The following UNC79 variants were observed in gnomAD, a reference collection of about 807,000 sequenced individuals.
The protein encoded by UNC79 is protein unc-79 homolog.
A neutral mutation model predicts 283.1 loss-of-function variants in UNC79; 37 were observed. That is an observed-to-expected ratio of 0.13 (90% confidence interval 0.10 to 0.17). UNC79 has a LOEUF of 0.17. Among genes scored for constraint, UNC79 ranks in the 10% least tolerant of loss-of-function variants. The pLI, the probability that UNC79 is intolerant of heterozygous loss-of-function variation, is 1.00. For missense variants in UNC79, 2,272 were observed against 3,211.1 expected, an observed-to-expected ratio of 0.71 and a Z score of 7.07; for synonymous variants, 1,107 against 1,200.2, an observed-to-expected ratio of 0.92 and a Z score of 1.61.
intron 1 of UNC79, among the ~76,000 whole-genome samples, chr14:93,464,332 C>A (rs1280780075): frequency 6.6e-6 from 1 of 152,182 alleles, no homozygotes; most frequent in African/African-American, 2.4e-5. Flanking sequence ...AGGCCTCTCT[C>A]CTTGACTTGC....
In UNC79 at chr14:93,497,356, T is replaced by C; in HGVS notation, c.898+70T>C. 3.3e-6 allele frequency: 5 copies of C among 1,497,884 alleles called. No individual in the cohort carries two copies. The South Asian group carries it at 4.0e-5, about 12-fold the overall frequency. The allele number at this position is 1,497,884 out of a possible 1,614,324, so 92.8% of individuals were successfully genotyped here. On this transcript the variant is annotated intron_variant, in intron 7 of 48. Transcript: ENST00000555664. ...GTGCCACACTGGCCTCACCTACTTA[T>C]ACATACATTTTTATCTTGCTGGATT...
intron 27 of UNC79, 58 bp downstream of exon 28, chr14:93,613,141 C>T: frequency 6.3e-7 from 1 of 1,589,728 alleles, no homozygotes; most frequent in South Asian, 1.2e-5. Context: ...AGAAGCAAGG[C>T]ATTACATACC....
intron 1 of UNC79, among the ~76,000 whole-genome samples, chr14:93,336,866 G>C (rs1169795758): frequency 6.6e-6 from 1 of 152,124 alleles, no homozygotes. Flanking sequence ...ATGTTGAAAT[G>C]TAATCGCCAG....
chr14:93,654,316 C>A (rs986535443), intron 37 of UNC79, among the ~76,000 whole-genome samples: 1 of 151,954 alleles, frequency 6.6e-6, no homozygotes, highest in Non-Finnish European at 1.5e-5. Flanking sequence ...CATAGCAAGA[C>A]CCCCATCTCT....
At chr14:93,564,213 A>G (rs1418351447) in intron 14 of UNC79, among the ~76,000 whole-genome samples, 1 of 152,176 alleles carries the variant, frequency 6.6e-6, no homozygotes, top group Non-Finnish European at 1.5e-5. Context: ...AAGCAACGGA[A>G]AGAGGAGTGG....
At chr14:93,686,512 G>A in intron 42 of UNC79, 60 bp from the exon 46 acceptor site, 1 of 1,555,470 alleles carries the variant, frequency 6.4e-7, no homozygotes, top group Non-Finnish European at 8.9e-7. Flanking sequence ...CCAGAGTGAG[G>A]CAATCATTGG....
Position 93,474,513 on chromosome 14 carries a change from G to T in UNC79, c.448+120G>T, listed in dbSNP as rs1004903919. 1.3e-5 allele frequency: 15 copies of T among 1,166,872 alleles called. No homozygotes were observed. The highest frequency in any genetic ancestry group is 1.8e-5 in the Non-Finnish European group (15 of 851,934). 72.3% of individuals were successfully genotyped at this position (1,166,872 alleles called of 1,614,324 possible). Reference sequence around the variant, plus strand: ...TCAATCACCTGAAAGGGCTTTGTGTGGCTAGAAGCACTACACTGAAACTTC... The same window carrying T: ...TCAATCACCTGAAAGGGCTTTGTGTTGCTAGAAGCACTACACTGAAACTTC... On this transcript the variant is annotated intron_variant, in intron 3 of 48. Transcript: ENST00000555664. The surrounding 1 kb of genome is among the most constrained non-coding windows in gnomAD (Gnocchi z 4.1).
chr14:93,401,332 A>T (rs1240294798), intron 1 of UNC79, among the ~76,000 whole-genome samples: 2 of 152,216 alleles, frequency 1.3e-5, no homozygotes, highest in African/African-American at 4.8e-5. Flanking sequence ...AACTAGGCAG[A>T]TACTACTTGC....
At chr14:93,420,247 C>T (rs181385261) in intron 1 of UNC79, among the ~76,000 whole-genome samples, 14 of 149,470 alleles carry the variant, frequency 9.4e-5, no homozygotes, top group African/African-American at 3.4e-4. Context: ...AGACACACAT[C>T]GACTGAAAAC....
At chr14:93,656,742 G>A (rs1339650648) in intron 38 of UNC79, among the ~76,000 whole-genome samples, 1 of 152,198 alleles carries the variant, frequency 6.6e-6, no homozygotes, top group African/African-American at 2.4e-5. Context: ...GGAGGCTGAG[G>A]TGGGAAGATT....
At chr14:93,572,393 A>G (rs188977192) in intron 15 of UNC79, among the ~76,000 whole-genome samples, 12 of 152,332 alleles carry the variant, frequency 7.9e-5, no homozygotes, top group African/African-American at 2.6e-4. Flanking sequence ...GCAAAGGGAA[A>G]CTGTTTTAGA....
intron 2 of UNC79, among the ~76,000 whole-genome samples, chr14:93,468,807 A>G (rs1469303344): frequency 6.6e-6 from 1 of 152,156 alleles, no homozygotes; most frequent in Non-Finnish European, 1.5e-5. Flanking sequence ...CCTGTTCTAT[A>G]TTGAAGGGCT....
intron 1 of UNC79, 24 bp from the exon 2 acceptor site, chr14:93,467,628 CTTTTTTTTTTTTTTTTTTT>C (rs398026224): frequency 1.8e-5 from 14 of 761,390 alleles, no homozygotes; most frequent in South Asian, 5.4e-5. Flanking sequence ...TTTCTTCTTC[CTTTTTTTTTTTTTTTTTTT>C]TTTTTTTTTT....
chr14:93,603,479 G>C (rs142021584), intron 26 of UNC79, 61 bp downstream of exon 26: 11 of 1,560,218 alleles, frequency 7.1e-6, no homozygotes, highest in Non-Finnish European at 9.6e-6. Context: ...AGGCTGACTT[G>C]TCTTGTTGAA....
intron 1 of UNC79, among the ~76,000 whole-genome samples, chr14:93,463,686 A>G (rs1369428661): frequency 6.6e-6 from 1 of 152,154 alleles, no homozygotes; most frequent in Non-Finnish European, 1.5e-5. Context: ...TGTGCAAAGT[A>G]TCCACTCGCA....
exon 26 of UNC79, chr14:93,603,391 C>T: frequency 1.9e-6 from 3 of 1,614,150 alleles, no homozygotes; most frequent in African/African-American, 1.3e-5. Context: ...GGCGCTCTCC[C>T]TCCCTGAGAC....
intron 1 of UNC79, among the ~76,000 whole-genome samples, chr14:93,409,927 A>G (rs1047218105): frequency 6.6e-6 from 1 of 152,348 alleles, no homozygotes; most frequent in South Asian, 2.1e-4. Context: ...GGCTTCACCA[A>G]TCAGTCCCCC....
chr14:93,570,132 A>G (rs2063130135), intron 14 of UNC79, among the ~76,000 whole-genome samples: 1 of 152,098 alleles, frequency 6.6e-6, no homozygotes, highest in Non-Finnish European at 1.5e-5. Flanking sequence ...AATTTTGTTT[A>G]GATACAGGGT....
intron 1 of UNC79, among the ~76,000 whole-genome samples, 179 bp from the exon 2 acceptor site, chr14:93,467,492 C>T (rs1329040210): frequency 6.6e-6 from 1 of 151,260 alleles, no homozygotes; most frequent in Admixed American, 6.6e-5. Flanking sequence ...GTAATTGTTT[C>T]TATCATGGAA....
Sources: gnomAD v4.1 joint callset for allele counts (sites outside exome capture counted in the v4.1 genomes callset) on GRCh38, gnomAD v4.1.1 for gene constraint, Gnocchi (gnomAD v3.1) non-coding constraint, MANE v1.5 for transcripts, NCBI Gene and HGNC (gene_info 2026-07-23, HGNC 2026-07-21) for gene names.